Variants in NEIL3 observed in about 807,000 individuals in gnomAD.
NEIL3 encodes endonuclease 8-like 3.
Under a neutral mutation model 57.5 loss-of-function variants are expected in NEIL3, and 48 were observed. The observed-to-expected ratio is 0.83, with a 90% CI of 0.66 to 1.06. The LOEUF (loss-of-function observed/expected upper bound fraction) is 1.06. Among genes scored for constraint, NEIL3 ranks in the 50% least tolerant of loss-of-function variants. The probability of loss-of-function intolerance (pLI) is 0.00; values close to 1 mark genes in which losing one functional copy is unlikely to be tolerated. For synonymous variants in NEIL3, 261 were observed against 253.2 expected, an observed-to-expected ratio of 1.03 and a Z score of -0.29; for missense variants, 717 against 739.1, an observed-to-expected ratio of 0.97 and a Z score of 0.35.
chr4:177,312,329 C>G (rs981036743), intron 1 of NEIL3, among the ~76,000 whole-genome samples: 1 of 152,184 alleles, frequency 6.6e-6, no homozygotes, highest in Non-Finnish European at 1.5e-5. Flanking sequence ...TAGCTCCTCT[C>G]AGCCATAAAA....
chr4:177,363,894 G>A (rs1395415531), downstream of NEIL3, among the ~76,000 whole-genome samples: 1 of 152,154 alleles, frequency 6.6e-6, no homozygotes, highest in Non-Finnish European at 1.5e-5. Context: ...GGGAATACAG[G>A]TGTGTGCCAG....
chr4:177,322,602 C>T (rs1578989148), intron 2 of NEIL3, 22 bp downstream of exon 2: 1 of 1,613,298 alleles, frequency 6.2e-7, no homozygotes. Context: ...CTGTACGATA[C>T]ATCTTATCTC....
At chr4:177,350,221 T>G (rs1163612875) in intron 6 of NEIL3, among the ~76,000 whole-genome samples, 1 of 152,218 alleles carries the variant, frequency 6.6e-6, no homozygotes, top group Admixed American at 6.5e-5. Context: ...TTCTGAAATG[T>G]AAGATACATA....
At chr4:177,344,631 G>A (rs140184297) in intron 6 of NEIL3, among the ~76,000 whole-genome samples, 3 of 151,342 alleles carry the variant, frequency 2.0e-5, no homozygotes, top group South Asian at 4.2e-4. Flanking sequence ...GTGTGATCTC[G>A]GCTCACTGCA....
chr4:177,362,369 T>G lies in NEIL3; in HGVS notation c.1716T>G (p.Asn572Lys). Residue 572 changes from asparagine to lysine, a missense_variant, in exon 10 of 10, where the codon AAT (asparagine) becomes AAG (lysine). Asn to Lys is a moderately conservative substitution (Grantham distance 94). Transcript: ENST00000264596. Reference sequence around the variant, plus strand: ...CAGTATTGAAGATTGGACCTAACAATGGAAAGAATTTTTTTGTGTGTCCTC... The same window carrying G: ...CAGTATTGAAGATTGGACCTAACAAGGGAAAGAATTTTTTTGTGTGTCCTC... ...MKTVLKIGPN[N>K]GKNFFVCPLG... is the part of the protein sequence containing the mutation. 1 of 1,613,822 alleles carries G rather than the reference T, an allele frequency of 6.2e-7. No homozygotes were observed. Among genetic ancestry groups the G allele is most frequent in the Non-Finnish European group, 8.5e-7 (1 of 1,179,866 alleles).
In NEIL3 at chr4:177,351,330, C is replaced by G. The variant is rs373817641; in HGVS notation, c.870-50C>G. On this transcript the variant is annotated intron_variant, in intron 6 of 9. Transcript: ENST00000264596. ...TATAATCATTTCTAAAATATCCAGA[C>G]AAGAACAAGGCAATAATAACAATGA... 15 of 1,277,722 alleles carry G rather than the reference C, an allele frequency of 1.2e-5. No homozygotes were observed. In the Admixed American group the frequency reaches 2.3e-4, roughly 20 times the overall value. The allele number at this position is 1,277,722 out of a possible 1,614,324, so 79.1% of individuals were successfully genotyped here.
At chr4:177,340,900 T>A (rs924211491) in intron 5 of NEIL3, among the ~76,000 whole-genome samples, 1 of 152,142 alleles carries the variant, frequency 6.6e-6, no homozygotes, top group African/African-American at 2.4e-5. Flanking sequence ...TGGAATATAT[T>A]CTCTGCTAGG....
At chr4:177,369,626 G>A in the NEIL3 span, among the ~76,000 whole-genome samples, 2 of 152,124 alleles carry the variant, frequency 1.3e-5, no homozygotes, top group East Asian at 3.8e-4. Flanking sequence ...GTGGGAGATG[G>A]TATGCATGGT....
At chr4:177,357,653 G>T (rs1418398873) in intron 8 of NEIL3, among the ~76,000 whole-genome samples, 1 of 152,106 alleles carries the variant, frequency 6.6e-6, no homozygotes, top group Non-Finnish European at 1.5e-5. Flanking sequence ...TGATTCTAAT[G>T]ACATGTACAT....
chr4:177,313,860 A>G (rs1734521475), intron 1 of NEIL3, among the ~76,000 whole-genome samples: 1 of 152,212 alleles, frequency 6.6e-6, no homozygotes, highest in South Asian at 2.1e-4. Context: ...TGAATAGTGC[A>G]AAGTGATTAA....
intron 1 of NEIL3, among the ~76,000 whole-genome samples, chr4:177,314,981 A>C (rs1185788268): frequency 1.3e-5 from 2 of 151,036 alleles, no homozygotes; most frequent in East Asian, 3.9e-4. Flanking sequence ...AGGCAGGAGA[A>C]TGGCGTGAAC....
At chr4:177,360,801 C>A in intron 9 of NEIL3, 124 bp downstream of exon 9, 2 of 702,312 alleles carry the variant, frequency 2.8e-6, no homozygotes, top group Non-Finnish European at 4.4e-6. Flanking sequence ...GCCATATTGG[C>A]ATTCAGTCTA....
At chr4:177,368,132 G>C in the NEIL3 span, among the ~76,000 whole-genome samples, 1 of 152,110 alleles carries the variant, frequency 6.6e-6, no homozygotes, top group Non-Finnish European at 1.5e-5. Context: ...AAATATCTAA[G>C]AGTCATCTAT....
intron 2 of NEIL3, among the ~76,000 whole-genome samples, chr4:177,330,159 G>A (rs576904179): frequency 1.3e-4 from 20 of 152,228 alleles, no homozygotes; most frequent in African/African-American, 3.4e-4. Flanking sequence ...TCATCTACCC[G>A]CCTTGGCCTC....
Position 177,351,462 on chromosome 4 carries a change from G to A in NEIL3, c.952G>A (p.Glu318Lys). Residue 318 changes from glutamate (E) to lysine (K), a missense_variant, in exon 7 of 10, where the codon GAA (glutamate) becomes AAA (lysine). Coordinates refer to ENST00000264596, the MANE Select transcript of NEIL3 (RefSeq NM_018248.3). The stretch of plus-strand genomic sequence containing the variant: ...TATGGACTCCGTGGCTCGGAAGTCG[G>A]AAGAGCACTGGACCTGTGTGGTGTG... ...HVMDSVARKS[E>K]EHWTCVVCTL... The A allele has an allele frequency of 6.2e-7, 1 of 1,614,006 alleles. No homozygotes were observed. Among genetic ancestry groups the A allele is most frequent in the Non-Finnish European group, 8.5e-7 (1 of 1,179,902 alleles).
intron 2 of NEIL3, among the ~76,000 whole-genome samples, chr4:177,323,041 T>C (rs1035440415): frequency 6.6e-6 from 1 of 152,208 alleles, no homozygotes; most frequent in African/African-American, 2.4e-5. Flanking sequence ...TGTAAAAACT[T>C]TCCAGAGAAA....
At chr4:177,361,825 T>C (rs1735612927) in intron 9 of NEIL3, among the ~76,000 whole-genome samples, 1 of 152,106 alleles carries the variant, frequency 6.6e-6, no homozygotes, top group Non-Finnish European at 1.5e-5. Flanking sequence ...AGGGTCTCCC[T>C]ATGTTGCCCA....
chr4:177,331,657 G>T (rs1047154982), intron 2 of NEIL3, among the ~76,000 whole-genome samples: 2 of 151,466 alleles, frequency 1.3e-5, no homozygotes, highest in East Asian at 1.9e-4. Flanking sequence ...TCATTTTTTT[G>T]AATCCTAGAC....
At chr4:177,365,785 TTCTG>T (rs1358051547), downstream of NEIL3, among the ~76,000 whole-genome samples, 1 of 152,210 alleles carries the variant, frequency 6.6e-6, no homozygotes, top group African/African-American at 2.4e-5. Flanking sequence ...TGAAAATTGG[TTCTG>T]TCTTAGATTA....
Sources: allele counts gnomAD v4.1 joint callset (sites outside exome capture counted in the v4.1 genomes callset), GRCh38; gene constraint gnomAD v4.1.1; transcripts MANE v1.5; gene names NCBI Gene and HGNC (gene_info 2026-07-23, HGNC 2026-07-21).